AFG3L2: variants seen among roughly 807,000 people sequenced by gnomAD.
AFG3L2 encodes the protein AFG3 like matrix AAA peptidase subunit 2.
A neutral mutation model predicts 94.5 loss-of-function variants in AFG3L2; 54 were observed. The observed-to-expected ratio is 0.57, with a 90% CI of 0.46 to 0.72. The LOEUF (loss-of-function observed/expected upper bound fraction) is 0.72. Among genes scored for constraint, AFG3L2 ranks in the 30% least tolerant of loss-of-function variants. The pLI is 0.00. For synonymous variants in AFG3L2, 377 were observed against 365.5 expected (o/e 1.03, Z -0.36); for missense variants, 754 against 994.9 (o/e 0.76, Z 3.26).
intron 5 of AFG3L2, 68 bp from the exon 6 acceptor site, chr18:12,363,924 T>C (rs761800208): frequency 6.8e-6 from 8 of 1,170,282 alleles, no homozygotes; most frequent in Admixed American, 3.4e-5. Flanking sequence ...TTTAAGCTCA[T>C]TTAAAATGCA....
chr18:12,351,273 G>C, intron 11 of AFG3L2, 33 bp downstream of exon 11: 5 of 1,613,964 alleles, frequency 3.1e-6, no homozygotes, highest in Non-Finnish European at 4.2e-6. Flanking sequence ...ACACTCATGA[G>C]CACTGGACCT....
intron 15 of AFG3L2, 33 bp downstream of exon 15, chr18:12,340,168 A>G: frequency 1.3e-6 from 2 of 1,566,846 alleles, no homozygotes; most frequent in Non-Finnish European, 8.8e-7. Flanking sequence ...ATATGAATAC[A>G]TGAGGAGGAA....
chr18:12,373,846 T>C (rs1427082740), intron 1 of AFG3L2, among the ~76,000 whole-genome samples: 1 of 152,080 alleles, frequency 6.6e-6, no homozygotes, highest in Non-Finnish European at 1.5e-5. Flanking sequence ...CAGAACTCAC[T>C]ACCTCTAGAA....
intron 16 of AFG3L2, among the ~76,000 whole-genome samples, chr18:12,333,048 AT>A (rs1445158327): frequency 1.7e-3 from 82 of 47,422 alleles, no homozygotes; most frequent in African/African-American, 4.4e-3. Flanking sequence ...ATAATCTATT[AT>A]ATAATAGATT....
In AFG3L2 at chr18:12,338,333, C is replaced by A. The variant is rs1055834793; in HGVS notation, c.1981-798G>T. ...ACCCCCAGCTGCCAACAGGTTCTTC[C>A]CAGAAGGATGGCATGCCACTCACGC... On this transcript the variant is annotated intron_variant, in intron 15 of 16. Transcript: ENST00000269143. Among the ~76,000 whole-genome samples, 10 of 152,108 alleles carry A rather than the reference C, an allele frequency of 6.6e-5. 1 individual carries two copies. Among genetic ancestry groups the A allele is most frequent in the Admixed American group, 3.9e-4 (6 of 15,272 alleles).
chr18:12,331,568 C>T (rs576287493), intron 16 of AFG3L2, among the ~76,000 whole-genome samples: 59 of 152,232 alleles, frequency 3.9e-4, no homozygotes, highest in African/African-American at 1.4e-3. Flanking sequence ...TTTGGGGCGG[C>T]GGATCACCTG....
intron 1 of AFG3L2, 21 bp downstream of exon 1, chr18:12,376,948 G>A (rs1035346973): frequency 5.0e-6 from 7 of 1,412,922 alleles, no homozygotes; most frequent in Admixed American, 2.8e-5. Context: ...GGAGGGCGCC[G>A]GGCGCCCAGG....
chr18:12,364,912 C>T (rs1039251905), intron 5 of AFG3L2, among the ~76,000 whole-genome samples: 6 of 152,128 alleles, frequency 3.9e-5, no homozygotes, highest in African/African-American at 1.4e-4. Flanking sequence ...TCAAGTGATC[C>T]TCCCACCTCA....
intron 14 of AFG3L2, 145 bp downstream of exon 14, chr18:12,343,987 A>G (rs1331633242): frequency 1.4e-6 from 1 of 725,750 alleles, no homozygotes; most frequent in Non-Finnish European, 2.4e-6. Flanking sequence ...GGTTTGTGCA[A>G]CTATGGTTAC....
At chr18:12,374,558 G>A (rs1474769199) in intron 1 of AFG3L2, among the ~76,000 whole-genome samples, 1 of 152,112 alleles carries the variant, frequency 6.6e-6, no homozygotes, top group African/African-American at 2.4e-5. Flanking sequence ...TATCAGGACC[G>A]CGAACCCCCA....
At chr18:12,334,824 A>G (rs886559565) in intron 16 of AFG3L2, among the ~76,000 whole-genome samples, 6 of 152,218 alleles carry the variant, frequency 3.9e-5, no homozygotes, top group African/African-American at 1.4e-4. Flanking sequence ...AGATTCTTTA[A>G]GGACTCCTTT....
intron 10 of AFG3L2, among the ~76,000 whole-genome samples, chr18:12,352,366 C>T (rs1908344832): frequency 1.3e-5 from 2 of 151,992 alleles, no homozygotes; most frequent in Admixed American, 1.3e-4. Context: ...TGGCACTGTG[C>T]TTCCCCTTTC....
intron 1 of AFG3L2, among the ~76,000 whole-genome samples, chr18:12,376,560 G>A (rs1909162772): frequency 6.6e-6 from 1 of 152,218 alleles, no homozygotes; most frequent in Non-Finnish European, 1.5e-5. Flanking sequence ...GAGACTCGGA[G>A]AGGTTAGGCA....
intron 9 of AFG3L2, among the ~76,000 whole-genome samples, chr18:12,354,842 T>C (rs1199974917): frequency 6.8e-6 from 1 of 146,444 alleles, no homozygotes; most frequent in Non-Finnish European, 1.5e-5. Context: ...TCATGGCCCA[T>C]CATCATTAAC....
At chr18:12,348,439 C>G in intron 12 of AFG3L2, 56 bp from the exon 13 acceptor site, 2 of 1,354,298 alleles carry the variant, frequency 1.5e-6, no homozygotes, top group Non-Finnish European at 2.1e-6. Flanking sequence ...ACTGATCAGT[C>G]ACACAATATG....
At chr18:12,351,855 GTTT>G (rs200992735) in intron 10 of AFG3L2, among the ~76,000 whole-genome samples, 2,731 of 152,090 alleles carry the variant, frequency 0.018, 69 homozygotes, top group African/African-American at 0.063. Flanking sequence ...CCTATCCAGT[GTTT>G]TTTAAGTTAC....
rs200514577 is a variant in AFG3L2 at position 12,329,612 on chromosome 18, G to A, written c.2347C>T (p.Arg783Trp). Residue 783 changes from arginine to tryptophan, a missense_variant, in exon 17 of 17, where the codon CGG becomes TGG. By Grantham distance (101) the Arg-to-Trp change is moderately radical (BLOSUM62 -3). Coordinates refer to ENST00000269143, the MANE Select transcript of AFG3L2 (RefSeq NM_006796.3). ...PEGLKDWNKEREKEKEEPPGE... is the reference protein window; with the variant it reads ...PEGLKDWNKEWEKEKEEPPGE... ...GGGGGCTCCTCTTTCTCCTTTTCCCGCTCCTTGTTCCAGTCCTTAAGGCCT... is the reference window on the plus strand; with the variant it reads ...GGGGGCTCCTCTTTCTCCTTTTCCCACTCCTTGTTCCAGTCCTTAAGGCCT... 86 of 1,614,012 alleles carry A rather than the reference G, an allele frequency of 5.3e-5. No homozygotes were observed. The highest frequency in any genetic ancestry group is 6.6e-5 in the Non-Finnish European group (78 of 1,180,012).
intron 1 of AFG3L2, among the ~76,000 whole-genome samples, chr18:12,372,972 T>C (rs1909037726): frequency 6.6e-6 from 1 of 152,210 alleles, no homozygotes; most frequent in Non-Finnish European, 1.5e-5. Context: ...GTGATGATGG[T>C]TGCATAACTT....
In AFG3L2 at chr18:12,329,817, A is replaced by G. The variant is rs780120452; in HGVS notation, c.2176-34T>C. The G allele has an allele frequency of 7.7e-6, 12 of 1,557,974 alleles. No homozygotes were observed. The Admixed American group carries it at 1.0e-4, about 13-fold the overall frequency. On this transcript the variant is annotated intron_variant, in intron 16 of 16. Transcript: ENST00000269143. The stretch of plus-strand genomic sequence containing the variant: ...TGAACAATTTTCATTAAATACAGTT[A>G]CTCAGCAAAGTCTATTCAGAAATAT...
Sources: gnomAD v4.1 joint callset for allele counts (sites outside exome capture counted in the v4.1 genomes callset) on GRCh38, gnomAD v4.1.1 for gene constraint, MANE v1.5 for transcripts, NCBI Gene and HGNC (gene_info 2026-07-23, HGNC 2026-07-21) for gene names.